NCKAP1L: variants seen among roughly 807,000 people sequenced by gnomAD.
NCKAP1L encodes NCK associated protein 1 like.
A neutral mutation model predicts 139.2 loss-of-function variants in NCKAP1L; 53 were observed. The ratio of observed to expected loss-of-function variants is 0.38; its 90% CI spans 0.31 to 0.48. The LOEUF is 0.48. NCKAP1L is among the 20% of genes least tolerant of loss of function. The pLI is 0.98. For missense variants in NCKAP1L, 1,151 were observed against 1,381.9 expected (o/e 0.83, Z 2.65); for synonymous variants, 468 against 499.7 (o/e 0.94, Z 0.85).
chr12:54,514,488 AT>A (rs1295376356), intron 9 of NCKAP1L, among the ~76,000 whole-genome samples: 1 of 151,788 alleles, frequency 6.6e-6, no homozygotes, highest in African/African-American at 2.4e-5. Flanking sequence ...CCCCCAGCTA[AT>A]TTTTTGTATT....
At chr12:54,523,319 A>C in intron 18 of NCKAP1L, 75 bp from the exon 19 acceptor site, 1 of 1,518,926 alleles carries the variant, frequency 6.6e-7, no homozygotes, top group Non-Finnish European at 8.9e-7. Flanking sequence ...AATGGACAAC[A>C]ACCTTTTTAT....
chr12:54,502,726 C>T (rs1369236602), intron 3 of NCKAP1L, among the ~76,000 whole-genome samples: 3 of 148,028 alleles, frequency 2.0e-5, no homozygotes, highest in African/African-American at 7.5e-5. Context: ...GTGGCTCACG[C>T]CTGTAATCCC....
Position 54,544,572 on chromosome 12 carries a change from T to C in NCKAP1L, c.*1887T>C, listed in dbSNP as rs555489212. 2.0e-5 allele frequency: 3 copies of C among 152,234 alleles called. No individual in the cohort carries two copies. Among genetic ancestry groups the C allele is most frequent in the Non-Finnish European group, 2.9e-5 (2 of 68,036 alleles). The allele number at this position is 152,234 out of a possible 1,614,324, so 9.4% of individuals were successfully genotyped here. ...ACCAGGATAACTGACATTGATATAA[T>C]CTACTGATCTTGTTCAGATTTCCTT... On this transcript the variant is annotated 3_prime_UTR_variant, in exon 31 of 31. Transcript: ENST00000293373.
At chr12:54,502,708 T>G (rs903088320) in intron 3 of NCKAP1L, among the ~76,000 whole-genome samples, 4 of 148,876 alleles carry the variant, frequency 2.7e-5, no homozygotes, top group African/African-American at 9.9e-5. Context: ...ACATTATGGC[T>G]GGGTGCTGTG....
In NCKAP1L at chr12:54,536,996, T is replaced by C. The variant is rs1957118820; in HGVS notation, c.3126T>C (p.Ala1042=). Residue 1042 remains alanine, a synonymous_variant, in exon 29 of 31, where the codon GCT becomes GCC. Transcript: ENST00000293373. ...CLTKAIIQVS[A]ALFTLYNKNI... is the part of the protein sequence containing the mutation. ...CCAAAGCCATCATCCAGGTGTCTGC[T>C]GCCCTCTTCACGCTCTACAACAAGA... 7 of 1,613,936 alleles carry C rather than the reference T, an allele frequency of 4.3e-6. No individual in the cohort carries two copies. Among genetic ancestry groups the C allele is most frequent in the Non-Finnish European group, 5.9e-6 (7 of 1,179,858 alleles).
chr12:54,533,743 T>C (rs1363916428), intron 26 of NCKAP1L, among the ~76,000 whole-genome samples: 8 of 152,176 alleles, frequency 5.3e-5, no homozygotes, highest in African/African-American at 1.7e-4. Flanking sequence ...CTAATTTTTG[T>C]ATTTTTAGTA....
chr12:54,506,814 T>TATATATATATATATAA (rs1956844786), intron 3 of NCKAP1L, among the ~76,000 whole-genome samples: 2 of 138,036 alleles, frequency 1.4e-5, no homozygotes, highest in Admixed American at 1.5e-4. Context: ...TATATATATA[T>TATATATATATATATAA]ATATATATAT....
At chr12:54,498,943 A>ATTTATTTATTTATTTT (rs1172669431) in intron 1 of NCKAP1L, 1 of 414,706 alleles carries the variant, frequency 2.4e-6, no homozygotes, top group Admixed American at 6.5e-5. Context: ...TTATTTATTT[A>ATTTATTTATTTATTTT]TTTTCGGAGT....
At chr12:54,504,608 G>A (rs1956826601) in intron 3 of NCKAP1L, among the ~76,000 whole-genome samples, 1 of 152,188 alleles carries the variant, frequency 6.6e-6, no homozygotes, top group Admixed American at 6.5e-5. Flanking sequence ...GAAAGGAGGG[G>A]AAATAGGGAC....
chr12:54,532,081 C>A (rs1370594540), intron 25 of NCKAP1L, 89 bp from the exon 26 acceptor site: 1 of 979,586 alleles, frequency 1.0e-6, no homozygotes, highest in Non-Finnish European at 1.5e-6. Context: ...AAATTGAGTG[C>A]CCCTCCTTTT....
intron 29 of NCKAP1L, 85 bp downstream of exon 29, chr12:54,537,138 A>ACAGG (rs1957119663): frequency 7.7e-6 from 7 of 908,918 alleles, no homozygotes; most frequent in African/African-American, 1.6e-5. Context: ...TTATCGTTGA[A>ACAGG]CAGGCTTTTG....
intron 18 of NCKAP1L, among the ~76,000 whole-genome samples, 159 bp downstream of exon 18, chr12:54,521,397 T>G (rs761098164): frequency 8.5e-5 from 13 of 152,206 alleles, no homozygotes; most frequent in Non-Finnish European, 1.6e-4. Flanking sequence ...AGAATTCTTT[T>G]CTTAGTGTAG....
intron 8 of NCKAP1L, 29 bp downstream of exon 8, chr12:54,511,880 G>A: frequency 1.2e-6 from 2 of 1,614,094 alleles, no homozygotes; most frequent in East Asian, 2.2e-5. Context: ...GATGGGAGTG[G>A]ATGAAGCAGT....
In NCKAP1L at chr12:54,542,654, G is replaced by A. The variant is rs776883501; in HGVS notation, c.3353G>A (p.Arg1118Gln). ...TATGTCCTGCTTCGAAATGCCTATCGGGAGGTGTCTCGGGCCTTCCACCTA... is the reference window on the plus strand; with the variant it reads ...TATGTCCTGCTTCGAAATGCCTATCAGGAGGTGTCTCGGGCCTTCCACCTA... ...FPYVLLRNAY[R>Q]EVSRAFHLN Residue 1118 changes from arginine (R) to glutamine (Q), a missense_variant, in exon 31 of 31, where the codon CGG (arginine) becomes CAG (glutamine). Coordinates refer to ENST00000293373, the MANE Select transcript of NCKAP1L (RefSeq NM_005337.5). The A allele has an allele frequency of 2.2e-5, 35 of 1,613,948 alleles. No individual in the cohort carries two copies. Among genetic ancestry groups the A allele is most frequent in the South Asian group, 3.3e-5 (3 of 91,082 alleles).
intron 28 of NCKAP1L, 43 bp from the exon 29 acceptor site, chr12:54,536,901 C>T (rs1399228340): frequency 7.1e-7 from 1 of 1,412,700 alleles, no homozygotes; most frequent in South Asian, 1.2e-5. Flanking sequence ...CTTACTTTGT[C>T]ATTTCCTCTT....
At position 54,519,217 on chromosome 12, in the gene NCKAP1L, C is replaced by A; in HGVS notation, c.1510C>A (p.His504Asn). ...CACTAGCGTGGCTAAGGCCCCTCTGCACCTGCATGAGAACCCTGACTTAGC... is the reference window on the plus strand; with the variant it reads ...CACTAGCGTGGCTAAGGCCCCTCTGAACCTGCATGAGAACCCTGACTTAGC... ...AYTSVAKAPLHLHENPDLAKV... is the reference protein window; with the variant it reads ...AYTSVAKAPLNLHENPDLAKV... Residue 504 changes from histidine to asparagine, a missense_variant, in exon 16 of 31, where the codon CAC (histidine) becomes AAC (asparagine). Physicochemically the swap from His to Asn is moderately conservative, Grantham distance 68. Coordinates refer to ENST00000293373, the MANE Select transcript of NCKAP1L (RefSeq NM_005337.5). 1.3e-6 allele frequency: 2 copies of A among 1,576,656 alleles called. No homozygotes were observed. Among genetic ancestry groups the A allele is most frequent in the South Asian group, 1.2e-5 (1 of 83,844 alleles).
At chr12:54,510,679 T>TA (rs1287851145) in intron 7 of NCKAP1L, among the ~76,000 whole-genome samples, 4 of 150,920 alleles carry the variant, frequency 2.7e-5, no homozygotes, top group East Asian at 3.9e-4. Context: ...CTGGGTAATT[T>TA]TTTTTTTTTT....
chr12:54,520,637 C>T (rs1440626663), intron 16 of NCKAP1L, 57 bp from the exon 17 acceptor site: 5 of 1,584,962 alleles, frequency 3.2e-6, no homozygotes, highest in East Asian at 4.5e-5. Flanking sequence ...ATTTTTCACT[C>T]ACCACTTTAC....
intron 27 of NCKAP1L, 24 bp downstream of exon 27, chr12:54,535,221 G>C (rs760003209): frequency 3.8e-6 from 6 of 1,589,042 alleles, no homozygotes; most frequent in African/African-American, 1.3e-5. Context: ...AAGGGGGCGA[G>C]ATTTGGGAAA....
Sources: allele counts gnomAD v4.1 joint callset (sites outside exome capture counted in the v4.1 genomes callset), GRCh38; gene constraint gnomAD v4.1.1; transcripts MANE v1.5; gene names NCBI Gene and HGNC (gene_info 2026-07-23, HGNC 2026-07-21).